Variants in FRAS1 observed in about 807,000 individuals in gnomAD.
FRAS1 encodes extracellular matrix organizing protein FRAS1.
FRAS1 carries 290 observed loss-of-function variants against 435.2 expected under a neutral mutation model. The ratio of observed to expected loss-of-function variants is 0.67; its 90% CI spans 0.61 to 0.73. The LOEUF is 0.73. FRAS1 is among the 30% of genes least tolerant of loss of function. The pLI, the probability that FRAS1 is intolerant of heterozygous loss-of-function variation, is 0.00. For missense variants in FRAS1, 4,860 were observed against 5,001.5 expected, an observed-to-expected ratio of 0.97 and a Z score of 0.85; for synonymous variants, 1,800 against 1,851.0, an observed-to-expected ratio of 0.97 and a Z score of 0.71.
intron 64 of FRAS1, 73 bp downstream of exon 64, chr4:78,511,579 A>G (rs772703920): frequency 4.5e-6 from 5 of 1,106,392 alleles, no homozygotes; most frequent in Non-Finnish European, 5.4e-6. Context: ...GTTTCCCAGG[A>G]CAATCAATAA....
chr4:78,133,518 A>G (rs1403508552), intron 2 of FRAS1, among the ~76,000 whole-genome samples: 1 of 152,170 alleles, frequency 6.6e-6, no homozygotes, highest in Non-Finnish European at 1.5e-5. Context: ...TAACTAAAAA[A>G]AAAAATTAGA....
At chr4:78,227,251 A>G (rs1033033858) in intron 2 of FRAS1, among the ~76,000 whole-genome samples, 2 of 152,224 alleles carry the variant, frequency 1.3e-5, no homozygotes, top group South Asian at 2.1e-4. Context: ...ACTGACATGA[A>G]TGTCTGGACA....
At chr4:78,405,426 A>G (rs1324703757) in intron 30 of FRAS1, among the ~76,000 whole-genome samples, 1 of 152,194 alleles carries the variant, frequency 6.6e-6, no homozygotes, top group African/African-American at 2.4e-5. Flanking sequence ...ACTTGAGTAC[A>G]AATAAGTTAT....
chr4:78,371,285 C>T (rs1198231652), intron 23 of FRAS1, among the ~76,000 whole-genome samples: 1 of 152,024 alleles, frequency 6.6e-6, no homozygotes, highest in South Asian at 2.1e-4. Flanking sequence ...CTTGGAAGCA[C>T]GTGTACTGTC....
chr4:78,464,515 C>CGG lies in FRAS1; in HGVS notation c.6963_6964dup (p.Val2322GlyfsTer6), dbSNP rs730882179. The CGG allele has an allele frequency of 2.4e-5, 38 of 1,613,778 alleles. No individual in the cohort carries two copies. The highest frequency in any genetic ancestry group is 3.0e-5 in the Non-Finnish European group (35 of 1,179,836). On this transcript the variant is annotated frameshift_variant, in exon 49 of 74. Coordinates refer to ENST00000512123, the MANE Select transcript of FRAS1 (RefSeq NM_025074.7). LOFTEE classifies it high-confidence loss of function. ...GCCCGTCGTACAGAACTTAGGAATG[C>CGG]GGGTGCAGGAGGGCATGAGGAAGAC... is the stretch of plus-strand genomic sequence containing the variant.
At chr4:78,535,340 A>G (rs977477482) in intron 71 of FRAS1, among the ~76,000 whole-genome samples, 10 of 152,128 alleles carry the variant, frequency 6.6e-5, no homozygotes, top group African/African-American at 2.2e-4. Flanking sequence ...TTCTGCGGCC[A>G]TTCCATAGGA....
At chr4:78,476,295 G>T (rs928300601) in intron 54 of FRAS1, among the ~76,000 whole-genome samples, 2 of 151,824 alleles carry the variant, frequency 1.3e-5, no homozygotes, top group African/African-American at 2.4e-5. Context: ...TGTCCAGAGA[G>T]AAATTTGCAA....
At chr4:78,336,273 G>A (rs1334863904) in intron 19 of FRAS1, among the ~76,000 whole-genome samples, 1 of 152,132 alleles carries the variant, frequency 6.6e-6, no homozygotes, top group East Asian at 1.9e-4. Context: ...GCTCAGTGGG[G>A]GAATGTTCCT....
At chr4:78,414,423 G>A (rs1353592559) in intron 32 of FRAS1, among the ~76,000 whole-genome samples, 3 of 152,198 alleles carry the variant, frequency 2.0e-5, no homozygotes, top group Admixed American at 1.3e-4. Flanking sequence ...TTGCATACTT[G>A]CGAATTAGGT....
chr4:78,295,626 C>A (rs1343888543), intron 14 of FRAS1, among the ~76,000 whole-genome samples: 1 of 152,098 alleles, frequency 6.6e-6, no homozygotes. Context: ...TGTTATCATG[C>A]CCTATTCCCA....
intron 61 of FRAS1, among the ~76,000 whole-genome samples, chr4:78,501,289 C>T (rs1471849455): frequency 6.6e-6 from 1 of 152,150 alleles, no homozygotes; most frequent in East Asian, 1.9e-4. Flanking sequence ...CTGCAAATGA[C>T]AAGAACTCAT....
intron 2 of FRAS1, among the ~76,000 whole-genome samples, chr4:78,140,707 ATACGTGTGTG>A: frequency 1.1e-5 from 1 of 91,146 alleles, no homozygotes; most frequent in African/African-American, 5.8e-5. Flanking sequence ...GTATATGCAT[ATACGTGTGTG>A]TATATGTATA....
rs190873218 is a variant in FRAS1 at position 78,441,073 on chromosome 4, T to A, written c.5530-89T>A. On this transcript the variant is annotated intron_variant, in intron 40 of 73. Transcript: ENST00000512123. ...AAGAAGCAGAATTGGTGCTAGAAGG[T>A]CACCCAGGCAGCACTTTGCAATCCA... 2.4e-4 allele frequency: 315 copies of A among 1,338,544 alleles called. 4 individuals carry two copies. The East Asian group carries it at 5.9e-3, about 25-fold the overall frequency. 82.9% of individuals were successfully genotyped at this position (1,338,544 alleles called of 1,614,324 possible).
At chr4:78,283,179 G>A (rs372998172) in intron 12 of FRAS1, among the ~76,000 whole-genome samples, 12 of 152,284 alleles carry the variant, frequency 7.9e-5, no homozygotes, top group African/African-American at 2.6e-4. Flanking sequence ...GTGACCTTGG[G>A]CAAGTCATTG....
At chr4:78,481,214 G>A (rs1314174898) in intron 56 of FRAS1, among the ~76,000 whole-genome samples, 2 of 152,224 alleles carry the variant, frequency 1.3e-5, no homozygotes, top group Middle Eastern at 3.2e-3. Context: ...ACACTACAAA[G>A]CATGATGTCA....
chr4:78,169,076 C>A (rs149786808), intron 2 of FRAS1, among the ~76,000 whole-genome samples: 17 of 151,998 alleles, frequency 1.1e-4, no homozygotes, highest in Non-Finnish European at 2.2e-4. Flanking sequence ...TCCAACCAGC[C>A]GAACAAGGGG....
intron 20 of FRAS1, among the ~76,000 whole-genome samples, chr4:78,357,476 G>T (rs186543161): frequency 6.6e-6 from 1 of 152,186 alleles, no homozygotes; most frequent in Non-Finnish European, 1.5e-5. Flanking sequence ...GGGCAGGCAG[G>T]AGCAAAGGGA....
chr4:78,267,554 T>G, intron 9 of FRAS1, 122 bp downstream of exon 9: 1 of 837,492 alleles, frequency 1.2e-6, no homozygotes. Context: ...TTCTCACACT[T>G]CATAGGACCT....
At chr4:78,515,298 A>T (rs899080225) in intron 65 of FRAS1, among the ~76,000 whole-genome samples, 1 of 150,730 alleles carries the variant, frequency 6.6e-6, no homozygotes, top group East Asian at 1.9e-4. Flanking sequence ...TATGAGCAAG[A>T]AGTAGTCAAA....
Sources: allele counts gnomAD v4.1 joint callset (sites outside exome capture counted in the v4.1 genomes callset), GRCh38; gene constraint gnomAD v4.1.1; transcripts MANE v1.5; gene names NCBI Gene and HGNC (gene_info 2026-07-23, HGNC 2026-07-21).